Variants in PLGRKT observed in about 807,000 individuals in gnomAD.
PLGRKT encodes plasminogen receptor (KT).
In PLGRKT, 22 loss-of-function variants were observed where a neutral mutation model predicts 18.5. The ratio of observed to expected loss-of-function variants is 1.19; its 90% CI spans 0.85 to 1.70. The LOEUF (loss-of-function observed/expected upper bound fraction) is 1.70. Ranked by LOEUF, PLGRKT falls within the 40% of genes most tolerant of loss-of-function variation. The pLI, the probability that PLGRKT is intolerant of heterozygous loss-of-function variation, is 0.00. For missense variants in PLGRKT, 235 were observed against 174.4 expected (o/e 1.35, Z -1.96); for synonymous variants, 72 against 52.8 (o/e 1.36, Z -1.58).
rs529237502 is a variant in PLGRKT at position 5,368,373 on chromosome 9, C to T, written c.82-6485G>A. On this transcript the variant is annotated intron_variant, in intron 3 of 5. Transcript: ENST00000223864. ...TGGATTGGCGAAAGAAAACGTGGTA[C>T]ATATACATCATGGAATACTATGCAG... Among the ~76,000 whole-genome samples the T allele has an allele frequency of 4.6e-5, 7 of 152,260 alleles. No homozygotes were observed. In the South Asian group the frequency reaches 1.5e-3, roughly 32 times the overall value.
Position 5,418,716 on chromosome 9 carries a change from C to A in PLGRKT, c.81+13181G>T. 1.5e-6 allele frequency: 1 copy of A among 667,064 alleles called. No homozygotes were observed. Among genetic ancestry groups the A allele is most frequent in the Non-Finnish European group, 2.8e-6 (1 of 359,756 alleles). The allele number at this position is 667,064 out of a possible 1,614,324, so 41.3% of individuals were successfully genotyped here. A position where few individuals can be genotyped will look rare whatever the true frequency, so the allele number is the denominator to read the frequency against. On this transcript the variant is annotated intron_variant, in intron 3 of 5. Transcript: ENST00000223864. This position sits in a 1 kb window ranked among gnomAD's most constrained non-coding sequence, Gnocchi z 4.2. The stretch of plus-strand genomic sequence containing the variant: ...TGCCGGGAAGTCTGATGAAGACCGG[C>A]ATGTGCTCCGAAGCGTGTGGAATGG...
chr9:5,391,436 C>T (rs1354833808), intron 3 of PLGRKT, among the ~76,000 whole-genome samples: 1 of 151,920 alleles, frequency 6.6e-6, no homozygotes, highest in East Asian at 1.9e-4. Flanking sequence ...ACTTTGATTT[C>T]ATATCAGAAA....
intron 5 of PLGRKT, among the ~76,000 whole-genome samples, chr9:5,360,663 T>C (rs928966386): frequency 1.3e-5 from 2 of 152,212 alleles, no homozygotes; most frequent in Non-Finnish European, 2.9e-5. Flanking sequence ...TGTCTGTGTA[T>C]TATATCTGCA....
intron 3 of PLGRKT, among the ~76,000 whole-genome samples, chr9:5,396,697 TAAAG>T (rs1563778514): frequency 7.2e-5 from 11 of 151,940 alleles, no homozygotes; most frequent in Non-Finnish European, 1.6e-4. Context: ...AAATAATAAA[TAAAG>T]ACATTTTAAG....
chr9:5,409,326 T>C (rs1028121016), intron 3 of PLGRKT, among the ~76,000 whole-genome samples: 3 of 152,282 alleles, frequency 2.0e-5, no homozygotes, highest in South Asian at 4.1e-4. Flanking sequence ...TGCCAGTGAA[T>C]ATAAAGCAGG....
chr9:5,423,965 G>A (rs895147305), intron 3 of PLGRKT, among the ~76,000 whole-genome samples: 3 of 139,468 alleles, frequency 2.2e-5, no homozygotes, highest in South Asian at 2.1e-4. Flanking sequence ...ATATGTATGT[G>A]TAATACACAA....
At chr9:5,367,162 T>C (rs1817411871) in intron 3 of PLGRKT, among the ~76,000 whole-genome samples, 3 of 151,770 alleles carry the variant, frequency 2.0e-5, no homozygotes, top group South Asian at 2.1e-4. Flanking sequence ...AAAATGGCCA[T>C]ACTGCCCAAA....
chr9:5,426,042 A>G (rs1011548144), intron 3 of PLGRKT, among the ~76,000 whole-genome samples: 1 of 152,194 alleles, frequency 6.6e-6, no homozygotes, highest in Non-Finnish European at 1.5e-5. Context: ...AATCTTTTTT[A>G]AAACTTCATC....
At chr9:5,365,420 T>C (rs550914281) in intron 3 of PLGRKT, among the ~76,000 whole-genome samples, 3 of 152,232 alleles carry the variant, frequency 2.0e-5, no homozygotes, top group African/African-American at 7.2e-5. Context: ...GAGACAAATA[T>C]CCTGTACAGA....
At chr9:5,413,151 C>T (rs182577522) in intron 3 of PLGRKT, among the ~76,000 whole-genome samples, 136 of 152,280 alleles carry the variant, frequency 8.9e-4, no homozygotes, top group African/African-American at 2.4e-3. Context: ...TGAAGAGAAA[C>T]GTAGCAATAT....
At chr9:5,367,469 G>A (rs1817419293) in intron 3 of PLGRKT, among the ~76,000 whole-genome samples, 2 of 152,120 alleles carry the variant, frequency 1.3e-5, no homozygotes, top group East Asian at 1.9e-4. Context: ...TAACAAAGCT[G>A]ACAAAAATAA....
intron 3 of PLGRKT, among the ~76,000 whole-genome samples, chr9:5,416,218 C>A (rs879374441): frequency 6.6e-6 from 1 of 151,956 alleles, no homozygotes; most frequent in African/African-American, 2.4e-5. Context: ...TTCCTTAATA[C>A]TCAACATTAA....
At chr9:5,360,525 C>T (rs1817240619) in intron 5 of PLGRKT, among the ~76,000 whole-genome samples, 1 of 152,132 alleles carries the variant, frequency 6.6e-6, no homozygotes, top group African/African-American at 2.4e-5. Flanking sequence ...TCCAGACAAT[C>T]AACAAAATAA....
intron 3 of PLGRKT, among the ~76,000 whole-genome samples, chr9:5,398,561 T>C (rs1401392890): frequency 6.6e-6 from 1 of 151,832 alleles, no homozygotes; most frequent in East Asian, 1.9e-4. Flanking sequence ...TGAGTAATAA[T>C]TAGATGCTCT....
At chr9:5,378,795 C>A (rs976808762) in intron 3 of PLGRKT, among the ~76,000 whole-genome samples, 9 of 152,010 alleles carry the variant, frequency 5.9e-5, no homozygotes, top group African/African-American at 2.2e-4. Context: ...TAGGATTTAA[C>A]CATCTCTTTC....
intron 5 of PLGRKT, among the ~76,000 whole-genome samples, chr9:5,360,021 G>T (rs1012384705): frequency 1.3e-5 from 2 of 152,200 alleles, no homozygotes; most frequent in Non-Finnish European, 2.9e-5. Context: ...GCCAGCCTAT[G>T]TTGCAGCTGA....
At chr9:5,380,630 A>G (rs1046718003) in intron 3 of PLGRKT, among the ~76,000 whole-genome samples, 6 of 152,154 alleles carry the variant, frequency 3.9e-5, no homozygotes, top group South Asian at 2.1e-4. Context: ...ACCTTCAGAT[A>G]TACTATATAA....
intron 3 of PLGRKT, among the ~76,000 whole-genome samples, chr9:5,415,637 A>G (rs751678213): frequency 1.9e-4 from 29 of 152,320 alleles, no homozygotes; most frequent in Non-Finnish European, 2.5e-4. Context: ...GCAATAAGAC[A>G]TATCAACTTC....
chr9:5,381,115 C>G (rs1451550120), intron 3 of PLGRKT, among the ~76,000 whole-genome samples: 1 of 152,198 alleles, frequency 6.6e-6, no homozygotes, highest in Non-Finnish European at 1.5e-5. Flanking sequence ...AACCTCTTTC[C>G]TTTTTAAATT....
Sources: allele counts gnomAD v4.1 joint callset (sites outside exome capture counted in the v4.1 genomes callset), GRCh38; gene constraint gnomAD v4.1.1; non-coding constraint Gnocchi (gnomAD v3.1); transcripts MANE v1.5; gene names NCBI Gene and HGNC (gene_info 2026-07-23, HGNC 2026-07-21).